CCDC88C: variants seen among roughly 807,000 people sequenced by gnomAD.
CCDC88C encodes coiled-coil and HOOK domain protein 88C, also known as protein Daple.
CCDC88C carries 131 observed loss-of-function variants against 198.8 expected under a neutral mutation model. That is an observed-to-expected ratio of 0.66 (90% CI 0.57 to 0.76). The LOEUF is 0.76. Among genes scored for constraint, CCDC88C ranks in the 30% least tolerant of loss-of-function variants. The pLI, the probability that CCDC88C is intolerant of heterozygous loss-of-function variation, is 0.00. For missense variants in CCDC88C, 2,553 were observed against 2,631.6 expected (o/e 0.97, Z 0.65); for synonymous variants, 1,166 against 1,114.7 (o/e 1.05, Z -0.92).
At chr14:91,386,524 G>A (rs1885155573) in intron 3 of CCDC88C, among the ~76,000 whole-genome samples, 1 of 152,138 alleles carries the variant, frequency 6.6e-6, no homozygotes, top group South Asian at 2.1e-4. Context: ...CAGGGCCTGT[G>A]CACATCTGCG....
At position 91,272,605 on chromosome 14, in the gene CCDC88C, C is replaced by A. The variant is rs200163595; in HGVS notation, c.*20G>T. 1 of 1,586,932 alleles carries A rather than the reference C, an allele frequency of 6.3e-7. No homozygotes were observed. Among genetic ancestry groups the A allele is most frequent in the Non-Finnish European group, 8.6e-7 (1 of 1,167,852 alleles). On this transcript the variant is annotated 3_prime_UTR_variant, in exon 30 of 30. Transcript: ENST00000389857. The stretch of plus-strand genomic sequence containing the variant: ...GGCGCGTCAGTAGTTTTCAGGTTTG[C>A]GAGCTCAACCACGAGACAGTCACAC...
rs200384913 is a variant in CCDC88C at position 91,309,975 on chromosome 14, G to C, written c.2748C>G (p.Leu916=). ...TGAGCTGCTGGCTCTTCAGCTTCTC[G>C]AGCACCAGGTCCTGGAATGATGGGG... ...TLTTLREDLV[L]EKLKSQQLSS... Residue 916 remains leucine (L), a synonymous_variant, in exon 16 of 30, where the codon CTC becomes CTG. Transcript: ENST00000389857. 7.5e-5 allele frequency: 120 copies of C among 1,598,176 alleles called. No homozygotes were observed. The East Asian group carries it at 2.7e-3, about 36-fold the overall frequency.
At chr14:91,367,293 G>A (rs1289834575) in intron 3 of CCDC88C, among the ~76,000 whole-genome samples, 1 of 152,180 alleles carries the variant, frequency 6.6e-6, no homozygotes, top group Non-Finnish European at 1.5e-5. Flanking sequence ...TGAAGGTGAC[G>A]CTCACGGTTG....
At chr14:91,302,230 T>A (rs147990707) in intron 20 of CCDC88C, among the ~76,000 whole-genome samples, 3 of 152,200 alleles carry the variant, frequency 2.0e-5, no homozygotes, top group Admixed American at 6.5e-5. Flanking sequence ...CACTCCCACC[T>A]TGAAGAACCA....
intron 19 of CCDC88C, among the ~76,000 whole-genome samples, chr14:91,304,789 CCT>C (rs1891489687): frequency 6.6e-6 from 1 of 152,050 alleles, no homozygotes; most frequent in African/African-American, 2.4e-5. Flanking sequence ...CCAGAATTAC[CCT>C]GATATTAAAA....
At chr14:91,391,520 T>G (rs1252631235) in intron 3 of CCDC88C, among the ~76,000 whole-genome samples, 1 of 152,180 alleles carries the variant, frequency 6.6e-6, no homozygotes, top group African/African-American at 2.4e-5. Context: ...GACTCACACC[T>G]GTAATCCCAG....
intron 22 of CCDC88C, 32 bp downstream of exon 22, chr14:91,297,273 G>C: frequency 6.2e-7 from 1 of 1,601,468 alleles, no homozygotes; most frequent in Non-Finnish European, 8.5e-7. Flanking sequence ...ACTCATCCCT[G>C]TCTCCCGAGG....
chr14:91,318,700 G>T (rs868050726), intron 13 of CCDC88C, among the ~76,000 whole-genome samples: 9 of 151,994 alleles, frequency 5.9e-5, no homozygotes, highest in Middle Eastern at 3.4e-3. Context: ...GAGGTGGGCA[G>T]ATCACCTGAA....
Position 91,297,493 on chromosome 14 carries a change from T to A in CCDC88C, c.3780-2A>T, listed in dbSNP as rs1467242665. ...AGCTGGTGGTGCAGGAAATTGACCC[T>A]GGAGGAGGAAGAGTCACAGGGCAAA... On this transcript the variant is annotated splice_acceptor_variant, in intron 21 of 29. Transcript: ENST00000389857. LOFTEE classifies it high-confidence loss of function. 1 of 1,553,294 alleles carries A rather than the reference T, an allele frequency of 6.4e-7. No individual in the cohort carries two copies. Among genetic ancestry groups the A allele is most frequent in the African/African-American group, 1.4e-5 (1 of 73,134 alleles).
chr14:91,325,791 A>G lies in CCDC88C; in HGVS notation c.1197+119T>C. 1 of 991,622 alleles carries G rather than the reference A, an allele frequency of 1.0e-6. No homozygotes were observed. Among genetic ancestry groups the G allele is most frequent in the Non-Finnish European group, 1.5e-6 (1 of 685,332 alleles). The allele number at this position is 991,622 out of a possible 1,614,324, so 61.4% of individuals were successfully genotyped here. On this transcript the variant is annotated intron_variant, in intron 11 of 29. Transcript: ENST00000389857. The surrounding 1 kb of genome is among the most constrained non-coding windows in gnomAD (Gnocchi z 4.1). The stretch of plus-strand genomic sequence containing the variant: ...GCCTCGCTAGGTTGCCAGGGTTAGA[A>G]CTCCTGCGCTCAAGGGATCCTCCCA...
chr14:91,316,378 C>T (rs1227188268), intron 13 of CCDC88C, among the ~76,000 whole-genome samples: 2 of 152,158 alleles, frequency 1.3e-5, no homozygotes, highest in East Asian at 1.9e-4. Flanking sequence ...TTATGCTCCC[C>T]GTTGCACACG....
chr14:91,280,753 C>G (rs1165227104), intron 27 of CCDC88C, among the ~76,000 whole-genome samples: 1 of 152,162 alleles, frequency 6.6e-6, no homozygotes, highest in Non-Finnish European at 1.5e-5. Flanking sequence ...AGATGTAAGA[C>G]TCCCATTCAT....
At chr14:91,294,084 T>C in intron 23 of CCDC88C, 89 bp downstream of exon 23, 1 of 1,504,390 alleles carries the variant, frequency 6.6e-7, no homozygotes, top group Non-Finnish European at 9.2e-7. Flanking sequence ...CAGGGGCTCC[T>C]CTCTGCATGG....
chr14:91,364,655 T>C (rs527348636), intron 3 of CCDC88C, among the ~76,000 whole-genome samples: 3 of 152,032 alleles, frequency 2.0e-5, no homozygotes, highest in Non-Finnish European at 4.4e-5. Flanking sequence ...CAGGAAGCAT[T>C]TGTCACCCCG....
rs1472309098 is a variant in CCDC88C at position 91,293,378 on chromosome 14, C to A, written c.4112+795G>T. ...CGCCTGCCACGGCCCACCTTCCTGCCCCCTCGCCTGCCACAGCCCACCTTC... is the reference window on the plus strand; with the variant it reads ...CGCCTGCCACGGCCCACCTTCCTGCACCCTCGCCTGCCACAGCCCACCTTC... On this transcript the variant is annotated intron_variant, in intron 23 of 29. Coordinates refer to ENST00000389857, the MANE Select transcript of CCDC88C (RefSeq NM_001080414.4). Among the ~76,000 whole-genome samples, 7 of 97,922 alleles carry A rather than the reference C, an allele frequency of 7.1e-5. 1 individual carries two copies. The highest frequency in any genetic ancestry group is 3.5e-4 in the South Asian group (1 of 2,852). The allele number at this position is 97,922 out of a possible 152,430, so 64.2% of individuals were successfully genotyped here.
At chr14:91,294,003 C>T (rs554887313) in intron 23 of CCDC88C, among the ~76,000 whole-genome samples, 170 bp downstream of exon 23, 1 of 152,326 alleles carries the variant, frequency 6.6e-6, no homozygotes, top group South Asian at 2.1e-4. Context: ...AAACTGAGAA[C>T]ATTCCAGGAA....
Position 91,352,835 on chromosome 14 carries a change from G to A in CCDC88C, c.340+6807C>T, listed in dbSNP as rs1362004156. Among the ~76,000 whole-genome samples the A allele has an allele frequency of 6.6e-6, 1 of 152,226 alleles. No individual in the cohort carries two copies. The highest frequency in any genetic ancestry group is 1.5e-5 in the Non-Finnish European group (1 of 68,046). The stretch of plus-strand genomic sequence containing the variant: ...CAGGACTGGGAGGGCCGCAGGGCCA[G>A]GAAGACAGGGCTTTTGATTTTTAAA... On this transcript the variant is annotated intron_variant, in intron 4 of 29. Coordinates refer to ENST00000389857, the MANE Select transcript of CCDC88C (RefSeq NM_001080414.4). The surrounding 1 kb of genome is among the most constrained non-coding windows in gnomAD (Gnocchi z 4.2).
At chr14:91,289,943 T>C (rs1890588013) in intron 24 of CCDC88C, among the ~76,000 whole-genome samples, 1 of 152,196 alleles carries the variant, frequency 6.6e-6, no homozygotes, top group Admixed American at 6.5e-5. Flanking sequence ...TTTCTCATCT[T>C]GGCTTCAATT....
In CCDC88C at chr14:91,293,523, C is replaced by CTCACCCGCCACAGCTCACCTTCCCAT. The variant is rs1567055698; in HGVS notation, c.4112+649_4112+650insATGGGAAGGTGAGCTGTGGCGGGTGA. 1.8e-3 allele frequency among the ~76,000 whole-genome samples: 223 copies of CTCACCCGCCACAGCTCACCTTCCCAT among 120,740 alleles called. 77 individuals are homozygous for CTCACCCGCCACAGCTCACCTTCCCAT. Among genetic ancestry groups the CTCACCCGCCACAGCTCACCTTCCCAT allele is most frequent in the South Asian group, 3.1e-3 (12 of 3,818 alleles). The allele number at this position is 120,740 out of a possible 152,430, so 79.2% of individuals were successfully genotyped here. A position where few individuals can be genotyped will look rare whatever the true frequency, so the allele number is the denominator to read the frequency against. On this transcript the variant is annotated intron_variant, in intron 23 of 29. Coordinates refer to ENST00000389857, the MANE Select transcript of CCDC88C (RefSeq NM_001080414.4). ...ACCTGCCACGGCCTACCTTCCTGTC[C>CTCACCCGCCACAGCTCACCTTCCCAT]CCTCACCTGCCACGGCCCACCTTCC...
Sources: gnomAD v4.1 joint callset for allele counts (sites outside exome capture counted in the v4.1 genomes callset) on GRCh38, gnomAD v4.1.1 for gene constraint, Gnocchi (gnomAD v3.1) non-coding constraint, MANE v1.5 for transcripts, NCBI Gene and HGNC (gene_info 2026-07-23, HGNC 2026-07-21) for gene names.